The following KIFAP3 variants were observed in gnomAD, a reference collection of about 807,000 sequenced individuals.
KIFAP3 encodes kinesin-associated protein 3.
KIFAP3 carries 68 observed loss-of-function variants against 106.5 expected under a neutral mutation model. The ratio of observed to expected loss-of-function variants is 0.64; its 90% CI spans 0.53 to 0.78. The LOEUF (loss-of-function observed/expected upper bound fraction) is 0.78, where lower values mean the gene tolerates loss of function less well. Ranked by LOEUF, KIFAP3 falls within the 30% of genes least tolerant of loss-of-function variation. KIFAP3 has a pLI of 0.00. For missense variants in KIFAP3, 780 were observed against 941.8 expected, an observed-to-expected ratio of 0.83 and a Z score of 2.25; for synonymous variants, 320 against 311.5, an observed-to-expected ratio of 1.03 and a Z score of -0.29.
At chr1:169,931,644 C>T (rs961791172) in intron 19 of KIFAP3, among the ~76,000 whole-genome samples, 9 of 152,164 alleles carry the variant, frequency 5.9e-5, no homozygotes, top group African/African-American at 2.2e-4. Flanking sequence ...ACCCCTAGGT[C>T]AATAAACTGA....
In KIFAP3 at chr1:170,013,955, T is replaced by C. The variant is rs77338042; in HGVS notation, c.1183+2507A>G. On this transcript the variant is annotated intron_variant, in intron 10 of 19. Transcript: ENST00000361580. ...GTTCCTGGTACTAGCATTCTAATAG[T>C]CATAGATTTTATGACATCTTTTTCT... Among the ~76,000 whole-genome samples, 1,085 of 152,302 alleles carry C rather than the reference T, an allele frequency of 7.1e-3. 18 individuals carry two copies. The highest frequency in any genetic ancestry group is 0.024 in the African/African-American group (994 of 41,568).
chr1:169,957,683 AGTGGT>A (rs1665099520), intron 18 of KIFAP3, among the ~76,000 whole-genome samples: 1 of 151,650 alleles, frequency 6.6e-6, no homozygotes, highest in South Asian at 2.1e-4. Context: ...GCTGGTGTGC[AGTGGT>A]GTGATCTTGG....
chr1:169,938,213 G>A (rs1273931433), intron 19 of KIFAP3, among the ~76,000 whole-genome samples: 1 of 151,908 alleles, frequency 6.6e-6, no homozygotes, highest in African/African-American at 2.4e-5. Flanking sequence ...ACTTGTAGTA[G>A]TATAATACAA....
upstream of KIFAP3, among the ~76,000 whole-genome samples, chr1:170,078,921 C>G (rs1253721379): frequency 1.3e-5 from 2 of 152,138 alleles, no homozygotes; most frequent in African/African-American, 4.8e-5. Context: ...GCAAATCAAA[C>G]CAGCATACAT....
At chr1:170,018,515 T>A (rs1437543609) in intron 9 of KIFAP3, among the ~76,000 whole-genome samples, 1 of 151,246 alleles carries the variant, frequency 6.6e-6, no homozygotes, top group Non-Finnish European at 1.5e-5. Context: ...AAAAGAAATT[T>A]GAAAAAAATT....
At chr1:170,002,068 T>C (rs1334336837) in intron 10 of KIFAP3, among the ~76,000 whole-genome samples, 1 of 152,122 alleles carries the variant, frequency 6.6e-6, no homozygotes, top group Non-Finnish European at 1.5e-5. Context: ...TTTTATATGA[T>C]CAAAGTTTAG....
intron 10 of KIFAP3, 32 bp from the exon 11 acceptor site, chr1:169,992,287 T>TAAA: frequency 1.7e-6 from 2 of 1,203,062 alleles, no homozygotes; most frequent in Non-Finnish European, 2.3e-6. Flanking sequence ...GATGATGCTA[T>TAAA]AAATATATAT....
intron 10 of KIFAP3, among the ~76,000 whole-genome samples, chr1:170,012,576 T>G (rs1221219836): frequency 1.3e-5 from 2 of 152,164 alleles, no homozygotes; most frequent in African/African-American, 2.4e-5. Flanking sequence ...ATAAACTGAA[T>G]GTCTATGTTC....
intron 10 of KIFAP3, among the ~76,000 whole-genome samples, chr1:170,000,727 A>G (rs2101958926): frequency 6.6e-6 from 1 of 152,262 alleles, no homozygotes; most frequent in East Asian, 1.9e-4. Context: ...TGCACAGACC[A>G]ATGTTTAAGA....
chr1:169,960,078 T>A (rs3790404), intron 18 of KIFAP3, among the ~76,000 whole-genome samples: 11,551 of 152,064 alleles, frequency 0.076, 1,162 homozygotes, highest in African/African-American at 0.24. Context: ...AGAAAACACA[T>A]GAATGAAAGT....
chr1:169,930,453 A>C (rs1275333357), intron 19 of KIFAP3, among the ~76,000 whole-genome samples: 5 of 152,202 alleles, frequency 3.3e-5, no homozygotes, highest in African/African-American at 9.7e-5. Flanking sequence ...AAACAATCTA[A>C]ATGGCAATTT....
intron 19 of KIFAP3, among the ~76,000 whole-genome samples, chr1:169,940,397 T>C (rs1313330542): frequency 2.0e-5 from 3 of 152,198 alleles, no homozygotes; most frequent in Non-Finnish European, 4.4e-5. Context: ...TGTACATAGA[T>C]CTGAAACCAT....
At chr1:170,034,186 A>G (rs192921064) in intron 7 of KIFAP3, among the ~76,000 whole-genome samples, 186 bp downstream of exon 7, 2 of 152,040 alleles carry the variant, frequency 1.3e-5, no homozygotes, top group East Asian at 1.9e-4. Context: ...CAAAAAGTGA[A>G]TATCAAACTG....
chr1:169,988,824 A>G (rs1175425471), intron 11 of KIFAP3, among the ~76,000 whole-genome samples: 9 of 152,026 alleles, frequency 5.9e-5, no homozygotes. Flanking sequence ...TGGATACCAC[A>G]TTAGGAGCAA....
chr1:169,955,583 G>C (rs1009170161), intron 18 of KIFAP3, among the ~76,000 whole-genome samples: 1 of 152,030 alleles, frequency 6.6e-6, no homozygotes, highest in African/African-American at 2.4e-5. Context: ...GTAAAACTAA[G>C]TAATAGAGTT....
rs558394879 is a variant in KIFAP3 at position 169,976,264 on chromosome 1, G to A, written c.1897+1821C>T. On this transcript the variant is annotated intron_variant, in intron 16 of 19. Transcript: ENST00000361580. ...CATTTTCATTTTACTGTTTTCTGTA[G>A]TGGCTTCTATAGTTATGTAAATTTT... Among the ~76,000 whole-genome samples the A allele has an allele frequency of 1.8e-4, 28 of 152,230 alleles. No individual in the cohort carries two copies. In the South Asian group the frequency reaches 4.8e-3, roughly 26 times the overall value.
At position 170,024,538 on chromosome 1, in the gene KIFAP3, C is replaced by G. The variant is rs1218301290; in HGVS notation, c.900G>C (p.Arg300Ser). The change falls in exon 9 of 20, where the codon AGG becomes AGC. Residue 300 changes from arginine (R) to serine (S), a missense_variant. Physicochemically the swap from Arg to Ser is moderately radical, Grantham distance 110. Coordinates refer to ENST00000361580, the MANE Select transcript of KIFAP3 (RefSeq NM_014970.4). Reference protein sequence around the residue: ...AEDTRTELKMRNKNIVHMLVK... With the variant: ...AEDTRTELKMSNKNIVHMLVK... Reference sequence around the variant, plus strand: ...CCAACATGTGAACTATGTTCTTGTTCCTCATTTTCAGTTCGGTACGAGTAT... The same window carrying G: ...CCAACATGTGAACTATGTTCTTGTTGCTCATTTTCAGTTCGGTACGAGTAT... 1 of 1,603,914 alleles carries G rather than the reference C, an allele frequency of 6.2e-7. No homozygotes were observed. The highest frequency in any genetic ancestry group is 8.5e-7 in the Non-Finnish European group (1 of 1,174,948).
At chr1:170,041,744 G>A (rs1669991153) in intron 3 of KIFAP3, 1 of 1,534,590 alleles carries the variant, frequency 6.5e-7, no homozygotes, top group Non-Finnish European at 8.7e-7. Flanking sequence ...GGTAAGTGTT[G>A]CCAAGGGCAA....
intron 10 of KIFAP3, among the ~76,000 whole-genome samples, chr1:170,001,251 A>C (rs994729365): frequency 6.6e-6 from 1 of 152,152 alleles, no homozygotes; most frequent in African/African-American, 2.4e-5. Flanking sequence ...AAAGCCCTTA[A>C]CAATGACTGC....
Sources: gnomAD v4.1 joint callset for allele counts (sites outside exome capture counted in the v4.1 genomes callset) on GRCh38, gnomAD v4.1.1 for gene constraint, MANE v1.5 for transcripts, NCBI Gene and HGNC (gene_info 2026-07-23, HGNC 2026-07-21) for gene names.